The following NDFIP1 variants were observed in gnomAD, a reference collection of about 807,000 sequenced individuals.
NDFIP1 encodes Nedd4 family interacting protein 1.
In NDFIP1, 7 loss-of-function variants were observed where a neutral mutation model predicts 28.8. That is an observed-to-expected ratio of 0.24 (90% CI 0.14 to 0.46). The LOEUF (loss-of-function observed/expected upper bound fraction) is 0.46, where lower values mean the gene tolerates loss of function less well. Ranked by LOEUF, NDFIP1 falls within the 20% of genes least tolerant of loss-of-function variation. The pLI is 0.99. For missense variants in NDFIP1, 194 were observed against 269.1 expected (o/e 0.72, Z 1.95); for synonymous variants, 92 against 101.0 (o/e 0.91, Z 0.53).
intron 1 of NDFIP1, among the ~76,000 whole-genome samples, chr5:142,121,444 T>A (rs1050142299): frequency 6.6e-6 from 1 of 152,228 alleles, no homozygotes; most frequent in Non-Finnish European, 1.5e-5. Context: ...AGTATAGATA[T>A]ACCTTGTGCA....
intron 3 of NDFIP1, among the ~76,000 whole-genome samples, chr5:142,133,737 A>C (rs1757247814): frequency 6.6e-6 from 1 of 152,222 alleles, no homozygotes; most frequent in Non-Finnish European, 1.5e-5. Flanking sequence ...GCACTTTTTA[A>C]ATATAAGATG....
At chr5:142,145,648 A>G (rs746150672) in intron 7 of NDFIP1, among the ~76,000 whole-genome samples, 4 of 152,154 alleles carry the variant, frequency 2.6e-5, no homozygotes, top group African/African-American at 4.8e-5. Context: ...AAGAGCAAAA[A>G]TAGGGAAGTA....
chr5:142,116,352 TTCTCTC>T (rs59802611), intron 1 of NDFIP1, among the ~76,000 whole-genome samples: 63,255 of 115,058 alleles, frequency 0.55, 14,291 homozygotes, highest in Admixed American at 0.6. Flanking sequence ...CCTTCCTTCT[TTCTCTC>T]TCTCTCTCTC....
rs1757468077 is a variant in NDFIP1, at chr5:142,153,435, A to AG, written c.*1708dup. 1 of 456,818 alleles carries AG rather than the reference A, an allele frequency of 2.2e-6. No homozygotes were observed. Among genetic ancestry groups the AG allele is most frequent in the Non-Finnish European group, 4.4e-6 (1 of 226,888 alleles). 28.3% of individuals were successfully genotyped at this position (456,818 alleles called of 1,614,324 possible). The stretch of plus-strand genomic sequence containing the variant: ...TTCAGGATATCAGTATATAATGCAC[A>AG]GAAGTGTGGGTTGTTTGAAAGCCAA... On this transcript the variant is annotated 3_prime_UTR_variant, in exon 8 of 8. Transcript: ENST00000253814.
At chr5:142,112,851 T>G (rs2126909132) in intron 1 of NDFIP1, among the ~76,000 whole-genome samples, 1 of 152,130 alleles carries the variant, frequency 6.6e-6, no homozygotes, top group South Asian at 2.1e-4. Flanking sequence ...TTTTCATTTT[T>G]GCCTTTTGAA....
intron 6 of NDFIP1, chr5:142,143,232 T>G (rs901857855): frequency 5.3e-5 from 8 of 152,164 alleles, no homozygotes; most frequent in Admixed American, 1.3e-4. Flanking sequence ...TTACTTTTCT[T>G]GAAAGTTGGA....
At chr5:142,134,825 G>T (rs939712814) in intron 3 of NDFIP1, among the ~76,000 whole-genome samples, 1 of 152,150 alleles carries the variant, frequency 6.6e-6, no homozygotes. Context: ...GATCTTATCT[G>T]CTGATAAGGT....
chr5:142,121,302 T>G (rs745985104), intron 1 of NDFIP1, among the ~76,000 whole-genome samples: 31 of 152,222 alleles, frequency 2.0e-4, no homozygotes, highest in Non-Finnish European at 3.8e-4. Flanking sequence ...TCTAAAGAGA[T>G]AAAGGTTGGA....
rs180788089 is a variant in NDFIP1 at position 142,152,222 on chromosome 5, A to G, written c.*494A>G. 408 of 152,944 alleles carry G rather than the reference A, an allele frequency of 2.7e-3. 2 individuals carry two copies. Among genetic ancestry groups the G allele is most frequent in the African/African-American group, 9.4e-3 (390 of 41,592 alleles). The allele number at this position is 152,944 out of a possible 1,614,324, so 9.5% of individuals were successfully genotyped here. ...ATATTTGCTGTTCAAGTTAATCTAG[A>G]AATTTATTCAATTCTGTATGAACAC... On this transcript the variant is annotated 3_prime_UTR_variant, in exon 8 of 8. Coordinates refer to ENST00000253814, the MANE Select transcript of NDFIP1 (RefSeq NM_030571.4).
At chr5:142,130,289 A>C (rs1757213891) in intron 1 of NDFIP1, among the ~76,000 whole-genome samples, 1 of 152,228 alleles carries the variant, frequency 6.6e-6, no homozygotes, top group Admixed American at 6.5e-5. Context: ...GACTAGCAAC[A>C]GCAGACACTT....
At chr5:142,144,409 T>A in intron 6 of NDFIP1, 162 bp from the exon 7 acceptor site, 1 of 587,638 alleles carries the variant, frequency 1.7e-6, no homozygotes, top group Non-Finnish European at 3.1e-6. Context: ...GGATGGATAA[T>A]TTGGTATGAA....
intron 4 of NDFIP1, among the ~76,000 whole-genome samples, chr5:142,136,233 A>G (rs1393476045): frequency 3.3e-5 from 5 of 152,078 alleles, no homozygotes; most frequent in Admixed American, 6.6e-5. Flanking sequence ...GTTACTTGCC[A>G]TTTATCTTTT....
Position 142,133,017 on chromosome 5 carries a change from C to T in NDFIP1, c.282+675C>T, listed in dbSNP as rs186637351. 1.4e-4 allele frequency among the ~76,000 whole-genome samples: 21 copies of T among 152,332 alleles called. No individual in the cohort carries two copies. In the East Asian group the frequency reaches 3.5e-3, roughly 25 times the overall value. On this transcript the variant is annotated intron_variant, in intron 3 of 7. Coordinates refer to ENST00000253814, the MANE Select transcript of NDFIP1 (RefSeq NM_030571.4). ...GAAGCAGGATAAGTCCCCAGAAATG[C>T]GGGGACCATCAGGCCTCTAGGCTCT...
chr5:142,131,413 TATAGGAG>T (rs1757225798), intron 1 of NDFIP1, among the ~76,000 whole-genome samples: 1 of 152,252 alleles, frequency 6.6e-6, no homozygotes, highest in South Asian at 2.1e-4. Context: ...CAGCTGGGAC[TATAGGAG>T]TGTGCCACCA....
At chr5:142,143,737 A>C (rs1346132416) in intron 6 of NDFIP1, 1 of 152,198 alleles carries the variant, frequency 6.6e-6, no homozygotes, top group Non-Finnish European at 1.5e-5. Flanking sequence ...ACAGTGGTTG[A>C]CACCTATAAT....
intron 1 of NDFIP1, among the ~76,000 whole-genome samples, chr5:142,113,568 A>C (rs1561597090): frequency 1.3e-5 from 2 of 152,242 alleles, no homozygotes; most frequent in Non-Finnish European, 2.9e-5. Context: ...GTGGTAAAAT[A>C]CACATAAAAT....
rs759950322 is a variant in NDFIP1 at position 142,144,641 on chromosome 5, T to C, written c.633T>C (p.Asn211=). The change falls in exon 7 of 8, where the codon AAT becomes AAC. Residue 211 remains asparagine (N), a synonymous_variant. Transcript: ENST00000253814. ...KVRKMPETFS[N]LPRTRVLFIY is the part of the protein sequence containing the mutation. The stretch of plus-strand genomic sequence containing the variant: ...GGAAGATGCCAGAAACTTTCTCAAA[T>C]CTCCCCAGGACCAGAGTTCTCTTTA... The C allele has an allele frequency of 8.1e-6, 13 of 1,612,668 alleles. No individual in the cohort carries two copies. Among genetic ancestry groups the C allele is most frequent in the Middle Eastern group, 3.3e-4 (2 of 6,054 alleles).
At chr5:142,110,608 A>G (rs1757004081) in intron 1 of NDFIP1, among the ~76,000 whole-genome samples, 1 of 152,084 alleles carries the variant, frequency 6.6e-6, no homozygotes, top group African/African-American at 2.4e-5. Flanking sequence ...TTGAAGTATA[A>G]AAAAAAGAGA....
At chr5:142,135,922 A>G (rs963567206) in intron 4 of NDFIP1, 105 bp downstream of exon 4, 14 of 718,262 alleles carry the variant, frequency 1.9e-5, no homozygotes, top group East Asian at 8.1e-5. Flanking sequence ...ATATATTAAT[A>G]CATTATGTTT....
Sources: gnomAD v4.1 joint callset for allele counts (sites outside exome capture counted in the v4.1 genomes callset) on GRCh38, gnomAD v4.1.1 for gene constraint, MANE v1.5 for transcripts, NCBI Gene and HGNC (gene_info 2026-07-23, HGNC 2026-07-21) for gene names.